Variants in CDC14B observed in about 807,000 individuals in gnomAD.
CDC14B encodes the protein dual specificity protein phosphatase CDC14B.
CDC14B carries 22 observed loss-of-function variants against 64.2 expected under a neutral mutation model. The ratio of observed to expected loss-of-function variants is 0.34; its 90% CI spans 0.24 to 0.49. CDC14B has a LOEUF of 0.49. CDC14B is among the 20% of genes least tolerant of loss of function. CDC14B has a pLI of 0.99. For synonymous variants in CDC14B, 191 were observed against 215.8 expected (o/e 0.89, Z 1.01); for missense variants, 498 against 629.9 (o/e 0.79, Z 2.24).
intron 11 of CDC14B, among the ~76,000 whole-genome samples, chr9:96,522,940 T>C (rs1836971828): frequency 6.6e-6 from 1 of 152,208 alleles, no homozygotes; most frequent in Non-Finnish European, 1.5e-5. Flanking sequence ...TTAAAAGCTC[T>C]CTATTTGAGA....
chr9:96,551,950 TC>T, intron 4 of CDC14B, 78 bp from the exon 5 acceptor site: 1 of 1,518,180 alleles, frequency 6.6e-7, no homozygotes. Context: ...GTAAATTTTG[TC>T]CAATTTCCAA....
intron 5 of CDC14B, among the ~76,000 whole-genome samples, chr9:96,545,361 T>A (rs1840655057): frequency 6.8e-6 from 1 of 147,402 alleles, no homozygotes; most frequent in African/African-American, 2.5e-5. Flanking sequence ...AGTCTCCCCC[T>A]GGAGTGAGTG....
At chr9:96,575,345 C>T (rs1348164501) in intron 1 of CDC14B, among the ~76,000 whole-genome samples, 1 of 152,190 alleles carries the variant, frequency 6.6e-6, no homozygotes, top group Non-Finnish European at 1.5e-5. Flanking sequence ...TCCTGTGTTT[C>T]TCAATCAGCT....
rs529149194 is a variant in CDC14B, at chr9:96,531,992, G to A, written c.946+1935C>T. 3.9e-5 allele frequency among the ~76,000 whole-genome samples: 6 copies of A among 152,192 alleles called. No homozygotes were observed. In the South Asian group the frequency reaches 6.2e-4, roughly 16 times the overall value. On this transcript the variant is annotated intron_variant, in intron 9 of 13. Coordinates refer to ENST00000375241, the MANE Select transcript of CDC14B (RefSeq NM_033331.4). ...TAAGTGTTTGGTAGAATTTACTGGC[G>A]ATGTTATTATATCCAAGGTTTTGCT...
chr9:96,571,310 G>T (rs1844458427), intron 1 of CDC14B, among the ~76,000 whole-genome samples: 1 of 151,854 alleles, frequency 6.6e-6, no homozygotes, highest in Non-Finnish European at 1.5e-5. Context: ...CGAGTAGCTG[G>T]GACTACAGGC....
intron 1 of CDC14B, among the ~76,000 whole-genome samples, chr9:96,581,422 T>C (rs548440632): frequency 7.2e-4 from 100 of 139,574 alleles, no homozygotes; most frequent in African/African-American, 3.3e-3. Flanking sequence ...TGTGTTATGA[T>C]TGCAGTACTG....
At position 96,503,447 on chromosome 9, in the gene CDC14B, C is replaced by T. The variant is rs867357455; in HGVS notation, c.*306G>A. On this transcript the variant is annotated 3_prime_UTR_variant, in exon 14 of 14. Transcript: ENST00000375241. ...CAATGATTGCCATCACAGGGACACACATGCACCACAGACCAGCCAGCTCCC... is the reference window on the plus strand; with the variant it reads ...CAATGATTGCCATCACAGGGACACATATGCACCACAGACCAGCCAGCTCCC... The T allele has an allele frequency of 8.2e-6, 3 of 363,698 alleles. No homozygotes were observed. Among genetic ancestry groups the T allele is most frequent in the South Asian group, 5.0e-5 (1 of 20,072 alleles). 22.5% of individuals were successfully genotyped at this position (363,698 alleles called of 1,614,324 possible).
At chr9:96,496,637 C>A (rs1162887539), downstream of CDC14B, among the ~76,000 whole-genome samples, 1 of 152,230 alleles carries the variant, frequency 6.6e-6, no homozygotes, top group Non-Finnish European at 1.5e-5. Context: ...GGCTGGGTCC[C>A]GGCTGACCCC....
At position 96,500,842 on chromosome 9, in the gene CDC14B, G is replaced by A. The variant is rs1833504321; in HGVS notation, c.*2911C>T. The A allele has an allele frequency of 6.6e-6, 1 of 152,336 alleles. No homozygotes were observed. The allele number at this position is 152,336 out of a possible 1,614,324, so 9.4% of individuals were successfully genotyped here. On this transcript the variant is annotated 3_prime_UTR_variant, in exon 14 of 14. Transcript: ENST00000375241. The stretch of plus-strand genomic sequence containing the variant: ...GTGACTGGGAAAAGAGAAGGCCCCA[G>A]GAGAGCCCTCAGGCCACACACAAGC...
At chr9:96,514,661 C>T (rs1835372501) in intron 12 of CDC14B, 3 of 985,296 alleles carry the variant, frequency 3.0e-6, no homozygotes, top group African/African-American at 3.5e-5. Context: ...TTCATAACTT[C>T]CAAGTCCAAG....
intron 1 of CDC14B, among the ~76,000 whole-genome samples, chr9:96,578,104 AC>A (rs1844916872): frequency 6.6e-6 from 1 of 152,252 alleles, no homozygotes; most frequent in South Asian, 2.1e-4. Context: ...AGAGTGTGAT[AC>A]TGGAGCCAAC....
At chr9:96,497,112 T>C (rs527819612), downstream of CDC14B, among the ~76,000 whole-genome samples, 1 of 152,254 alleles carries the variant, frequency 6.6e-6, no homozygotes, top group South Asian at 2.1e-4. Flanking sequence ...AAGCACACGG[T>C]GGCCCTCCCA....
At chr9:96,574,695 C>CAAAAAAAAAAAAAAAAAAAAAAAAAA (rs1383658400) in intron 1 of CDC14B, among the ~76,000 whole-genome samples, 1 of 35,604 alleles carries the variant, frequency 2.8e-5, no homozygotes, top group African/African-American at 3.8e-4. Flanking sequence ...AACTCGGTCT[C>CAAAAAAAAAAAAAAAAAAAAAAAAAA]ACAAAAAAAA....
At chr9:96,570,511 A>C (rs1844404587) in intron 1 of CDC14B, among the ~76,000 whole-genome samples, 1 of 152,230 alleles carries the variant, frequency 6.6e-6, no homozygotes, top group South Asian at 2.1e-4. Context: ...GAGATTTTAC[A>C]TGCTAGGGAG....
intron 1 of CDC14B, among the ~76,000 whole-genome samples, chr9:96,596,685 AT>A (rs571884749): frequency 1.1e-4 from 16 of 152,174 alleles, no homozygotes; most frequent in Admixed American, 5.2e-4. Context: ...AGATTGTAAA[AT>A]CCTGTCTCTA....
intron 13 of CDC14B, among the ~76,000 whole-genome samples, chr9:96,505,899 A>T (rs1402476661): frequency 6.6e-6 from 1 of 152,244 alleles, no homozygotes. Flanking sequence ...TTTCCCAAAG[A>T]CAAATAGTTA....
chr9:96,512,478 C>G (rs1835047934), intron 12 of CDC14B, among the ~76,000 whole-genome samples: 1 of 151,790 alleles, frequency 6.6e-6, no homozygotes, highest in South Asian at 2.1e-4. Flanking sequence ...TGCCACCACA[C>G]CCAGCTAATT....
downstream of CDC14B, chr9:96,496,338 A>G (rs1833236931): frequency 1.9e-6 from 1 of 515,868 alleles, no homozygotes; most frequent in Non-Finnish European, 3.9e-6. Context: ...GAAAGGTGAC[A>G]GCCTGGGACA....
chr9:96,566,358 ATT>A (rs201974662), intron 1 of CDC14B, among the ~76,000 whole-genome samples: 10,480 of 140,720 alleles, frequency 0.074, 1,161 homozygotes, highest in African/African-American at 0.26. Context: ...ATGGTAAACT[ATT>A]TTTTTTTTTT....
Sources: allele counts gnomAD v4.1 joint callset (sites outside exome capture counted in the v4.1 genomes callset), GRCh38; gene constraint gnomAD v4.1.1; transcripts MANE v1.5; gene names NCBI Gene and HGNC (gene_info 2026-07-23, HGNC 2026-07-21).